Variants in TNFRSF21 observed in about 807,000 individuals in gnomAD.
TNFRSF21 encodes TNF receptor superfamily member 21.
A neutral mutation model predicts 45.6 loss-of-function variants in TNFRSF21; 19 were observed. That is an observed-to-expected ratio of 0.42 (90% CI 0.29 to 0.61). The LOEUF (loss-of-function observed/expected upper bound fraction) is 0.61. Among genes scored for constraint, TNFRSF21 ranks in the 20% least tolerant of loss-of-function variants. The pLI is 0.23. For missense variants in TNFRSF21, 737 were observed against 851.5 expected, an observed-to-expected ratio of 0.87 and a Z score of 1.67; for synonymous variants, 314 against 335.5, an observed-to-expected ratio of 0.94 and a Z score of 0.70.
rs778589527 is a variant in TNFRSF21, at chr6:47,284,128, G to A, written c.1053C>T (p.Pro351=). ...GCAGCAGGAAAAGCACAATCATCCA[G>A]GGCAAATGCTCATTGATGTCAAAAT... ...HKHFDINEHL[P]WMIVLFLLLV... The change falls in exon 3 of 6, where the codon CCC becomes CCT. Residue 351 remains proline, a synonymous_variant. Coordinates refer to ENST00000296861, the MANE Select transcript of TNFRSF21 (RefSeq NM_014452.5). 1.2e-6 allele frequency: 2 copies of A among 1,614,058 alleles called. No homozygotes were observed. Among genetic ancestry groups the A allele is most frequent in the African/African-American group, 2.7e-5 (2 of 74,900 alleles).
intron 2 of TNFRSF21, 74 bp downstream of exon 2, chr6:47,285,870 G>T: frequency 6.7e-7 from 1 of 1,492,132 alleles, no homozygotes; most frequent in Non-Finnish European, 9.1e-7. Flanking sequence ...AACATCTTTG[G>T]TATAAGCCCA....
intron 4 of TNFRSF21, among the ~76,000 whole-genome samples, chr6:47,241,940 A>T (rs1764751387): frequency 6.6e-5 from 10 of 152,160 alleles, no homozygotes. Flanking sequence ...ACCAACACTT[A>T]AATCTAAATT....
chr6:47,268,341 C>T (rs1446311570), intron 3 of TNFRSF21, among the ~76,000 whole-genome samples: 1 of 152,194 alleles, frequency 6.6e-6, no homozygotes, highest in African/African-American at 2.4e-5. Context: ...TATTACTTCT[C>T]TCCCTTCCCT....
chr6:47,244,131 C>A (rs1764789535), intron 4 of TNFRSF21, among the ~76,000 whole-genome samples: 2 of 152,060 alleles, frequency 1.3e-5, no homozygotes, highest in African/African-American at 4.8e-5. Flanking sequence ...ACCATCCTGG[C>A]TAACACGGTG....
chr6:47,233,963 T>G (rs912852464), intron 5 of TNFRSF21, among the ~76,000 whole-genome samples: 1 of 152,046 alleles, frequency 6.6e-6, no homozygotes, highest in African/African-American at 2.4e-5. Context: ...CAAAGTGAAT[T>G]TTAGGGTATT....
Position 47,233,511 on chromosome 6 carries a change from T to C in TNFRSF21, c.1739-517A>G, listed in dbSNP as rs147237064. 1.7e-3 allele frequency among the ~76,000 whole-genome samples: 262 copies of C among 152,288 alleles called. 1 individual carries two copies. The highest frequency in any genetic ancestry group is 6.1e-3 in the African/African-American group (254 of 41,566). On this transcript the variant is annotated intron_variant, in intron 5 of 5. Coordinates refer to ENST00000296861, the MANE Select transcript of TNFRSF21 (RefSeq NM_014452.5). ...GACTTTCTGATTACATTGTAATATT[T>C]TAGAACTAAACTGCTGAGAGAGTAA...
intron 3 of TNFRSF21, among the ~76,000 whole-genome samples, chr6:47,262,439 T>C (rs1765086830): frequency 6.6e-6 from 1 of 152,228 alleles, no homozygotes; most frequent in African/African-American, 2.4e-5. Flanking sequence ...GACACTTTTC[T>C]AGGTACAGGA....
chr6:47,241,461 G>A (rs1452324613), intron 4 of TNFRSF21, among the ~76,000 whole-genome samples: 5 of 147,496 alleles, frequency 3.4e-5, no homozygotes, highest in Non-Finnish European at 1.5e-5. Flanking sequence ...GTCTTGGCAA[G>A]CAGAACCCAA....
At chr6:47,242,656 C>T (rs1047459649) in intron 4 of TNFRSF21, among the ~76,000 whole-genome samples, 1 of 152,180 alleles carries the variant, frequency 6.6e-6, no homozygotes, top group African/African-American at 2.4e-5. Context: ...GCTACCGGCA[C>T]GGGTGTCTGC....
At chr6:47,261,398 TGA>T (rs989963947) in intron 3 of TNFRSF21, among the ~76,000 whole-genome samples, 3 of 152,208 alleles carry the variant, frequency 2.0e-5, no homozygotes, top group Admixed American at 6.5e-5. Context: ...GATAAATGAA[TGA>T]GAGTCTTTTT....
At chr6:47,234,321 CT>C (rs1394522061) in intron 5 of TNFRSF21, among the ~76,000 whole-genome samples, 2 of 152,174 alleles carry the variant, frequency 1.3e-5, no homozygotes, top group African/African-American at 4.8e-5. Flanking sequence ...AACTTTAAAT[CT>C]TTGGATACAG....
intron 3 of TNFRSF21, among the ~76,000 whole-genome samples, chr6:47,258,979 C>T (rs1218138308): frequency 1.3e-5 from 2 of 152,198 alleles, no homozygotes; most frequent in African/African-American, 4.8e-5. Context: ...ATATGGCCCA[C>T]GGGCTGTAGT....
chr6:47,246,641 T>G (rs1448154371), intron 4 of TNFRSF21, among the ~76,000 whole-genome samples: 1 of 152,244 alleles, frequency 6.6e-6, no homozygotes, highest in African/African-American at 2.4e-5. Flanking sequence ...GTTAAGGGTT[T>G]CTAAAAAGCT....
intron 4 of TNFRSF21, among the ~76,000 whole-genome samples, chr6:47,239,310 A>AG (rs1764712678): frequency 6.9e-6 from 1 of 145,224 alleles, no homozygotes; most frequent in Non-Finnish European, 1.5e-5. Context: ...AAAAAAAAAA[A>AG]GGAAACTGAA....
chr6:47,282,388 AAAAAAAT>A (rs1173174249), intron 3 of TNFRSF21, among the ~76,000 whole-genome samples: 5 of 132,952 alleles, frequency 3.8e-5, no homozygotes, highest in South Asian at 2.1e-4. Context: ...CTGTCTCAAA[AAAAAAAT>A]AAAAAAAAAA....
chr6:47,234,323 T>C (rs1764630314), intron 5 of TNFRSF21, among the ~76,000 whole-genome samples: 1 of 152,158 alleles, frequency 6.6e-6, no homozygotes, highest in Non-Finnish European at 1.5e-5. Flanking sequence ...CTTTAAATCT[T>C]TGGATACAGC....
At chr6:47,293,322 G>A (rs1418642611) in intron 1 of TNFRSF21, among the ~76,000 whole-genome samples, 1 of 152,120 alleles carries the variant, frequency 6.6e-6, no homozygotes, top group Non-Finnish European at 1.5e-5. Flanking sequence ...TCCAAGCCAG[G>A]GGTCAGCAAA....
At chr6:47,264,249 C>T (rs946622662) in intron 3 of TNFRSF21, among the ~76,000 whole-genome samples, 7 of 152,056 alleles carry the variant, frequency 4.6e-5, no homozygotes, top group Admixed American at 1.3e-4. Flanking sequence ...TACCTTAGGC[C>T]GGGTGCGGTG....
At chr6:47,300,515 A>AT (rs1326768290) in intron 1 of TNFRSF21, among the ~76,000 whole-genome samples, 13 of 151,964 alleles carry the variant, frequency 8.6e-5, no homozygotes, top group Non-Finnish European at 1.3e-4. Context: ...GTGAGTTTTT[A>AT]TTTTTTTTAA....
Sources: gnomAD v4.1 joint callset for allele counts (sites outside exome capture counted in the v4.1 genomes callset) on GRCh38, gnomAD v4.1.1 for gene constraint, MANE v1.5 for transcripts, NCBI Gene and HGNC (gene_info 2026-07-23, HGNC 2026-07-21) for gene names.